CD48: variants seen among roughly 807,000 people sequenced by gnomAD.
CD48 encodes CD48 antigen.
A neutral mutation model predicts 22.0 loss-of-function variants in CD48; 20 were observed. The observed-to-expected ratio is 0.91, with a 90% CI of 0.64 to 1.32. CD48 has a LOEUF of 1.32. CD48 is among the 40% of genes most tolerant of loss of function. The probability of loss-of-function intolerance (pLI) is 0.00; values close to 1 mark genes in which losing one functional copy is unlikely to be tolerated. For missense variants in CD48, 307 were observed against 286.5 expected (o/e 1.07, Z -0.52); for synonymous variants, 110 against 110.1 (o/e 1.00, Z 0.01).
chr1:160,703,852 C>T (rs1662708840), intron 1 of CD48, among the ~76,000 whole-genome samples: 1 of 152,072 alleles, frequency 6.6e-6, no homozygotes, highest in Non-Finnish European at 1.5e-5. Context: ...GAGCAAAGGC[C>T]CTGGGGCAGG....
intron 1 of CD48, among the ~76,000 whole-genome samples, chr1:160,690,623 G>C (rs1215400092): frequency 6.6e-6 from 1 of 152,122 alleles, no homozygotes; most frequent in Non-Finnish European, 1.5e-5. Flanking sequence ...CTGGTAAAGT[G>C]GTATGAGACC....
intron 1 of CD48, among the ~76,000 whole-genome samples, chr1:160,711,398 C>G (rs1662941962): frequency 6.6e-6 from 1 of 152,144 alleles, no homozygotes; most frequent in South Asian, 2.1e-4. Flanking sequence ...CACTTTTCCA[C>G]AACTTCATGG....
intron 2 of CD48, among the ~76,000 whole-genome samples, chr1:160,681,748 C>T (rs995694937): frequency 1.3e-5 from 2 of 152,090 alleles, no homozygotes; most frequent in Non-Finnish European, 1.5e-5. Context: ...GGGTTATGAT[C>T]GTGTGTGAGC....
At chr1:160,702,284 C>T (rs2102433594) in intron 1 of CD48, among the ~76,000 whole-genome samples, 1 of 152,172 alleles carries the variant, frequency 6.6e-6, no homozygotes, top group South Asian at 2.1e-4. Flanking sequence ...GATCAACCAC[C>T]CCGCCTCCTA....
intron 1 of CD48, among the ~76,000 whole-genome samples, chr1:160,701,488 T>C (rs1362157245): frequency 6.6e-6 from 1 of 151,732 alleles, no homozygotes; most frequent in Non-Finnish European, 1.5e-5. Flanking sequence ...GATCAGGAGG[T>C]ATGGCAGTGG....
intron 1 of CD48, among the ~76,000 whole-genome samples, chr1:160,704,426 CTT>C (rs34741789): frequency 0.13 from 19,809 of 152,142 alleles, 1,425 homozygotes; most frequent in African/African-American, 0.18. Flanking sequence ...GTTGCAAACT[CTT>C]GTGTGTGAAG....
intron 2 of CD48, chr1:160,683,692 G>A (rs932252256): frequency 2.6e-5 from 4 of 152,066 alleles, no homozygotes; most frequent in African/African-American, 9.7e-5. Flanking sequence ...GGTGGAACTT[G>A]AATGTATACA....
intron 1 of CD48, among the ~76,000 whole-genome samples, chr1:160,689,662 T>C (rs1268694684): frequency 6.6e-6 from 1 of 152,204 alleles, no homozygotes; most frequent in Non-Finnish European, 1.5e-5. Context: ...TGATTTGGTG[T>C]GCCTGTTTCT....
In CD48 at chr1:160,678,766, A is replaced by G. The variant is rs1394599964; in HGVS notation, c.*286T>C. On this transcript the variant is annotated 3_prime_UTR_variant, in exon 4 of 4. Transcript: ENST00000368046. Reference sequence around the variant, plus strand: ...AGGAATTCAGTTAATTGACAATTATATCAAATGTTTATTTTAAAAAATAAT... The same window carrying G: ...AGGAATTCAGTTAATTGACAATTATGTCAAATGTTTATTTTAAAAAATAAT... 3.7e-6 allele frequency: 1 copy of G among 272,518 alleles called. No individual in the cohort carries two copies. Among genetic ancestry groups the G allele is most frequent in the East Asian group, 7.6e-5 (1 of 13,176 alleles). 16.9% of individuals were successfully genotyped at this position (272,518 alleles called of 1,614,324 possible).
Position 160,697,444 on chromosome 1 carries a change from G to A in CD48, c.83-12255C>T, listed in dbSNP as rs1485787324. Among the ~76,000 whole-genome samples the A allele has an allele frequency of 6.6e-5, 10 of 152,286 alleles. No homozygotes were observed. In the South Asian group the frequency reaches 2.1e-3, roughly 31 times the overall value. The stretch of plus-strand genomic sequence containing the variant: ...CTGCCAAACCTGAGGAAGAAGGGAT[G>A]ATGATAAATATTTCCATTGGGTATC... On this transcript the variant is annotated intron_variant, in intron 1 of 3. Transcript: ENST00000368046.
intron 1 of CD48, among the ~76,000 whole-genome samples, chr1:160,703,394 G>A (rs1348222975): frequency 2.6e-5 from 4 of 152,128 alleles, no homozygotes; most frequent in Admixed American, 6.5e-5. Flanking sequence ...AGCGCATATC[G>A]ATGCAGACCG....
chr1:160,702,749 T>C (rs952286693), intron 1 of CD48, among the ~76,000 whole-genome samples: 2 of 152,166 alleles, frequency 1.3e-5, no homozygotes, highest in Admixed American at 6.5e-5. Flanking sequence ...AGAATAGCTT[T>C]GTGGGTATCT....
At chr1:160,702,412 C>T (rs1186590025) in intron 1 of CD48, among the ~76,000 whole-genome samples, 2 of 152,062 alleles carry the variant, frequency 1.3e-5, no homozygotes, top group Non-Finnish European at 2.9e-5. Flanking sequence ...GAAGTGGAAA[C>T]GCAATGTTGG....
chr1:160,697,968 C>G (rs1027137962), intron 1 of CD48, among the ~76,000 whole-genome samples: 5 of 152,122 alleles, frequency 3.3e-5, no homozygotes, highest in African/African-American at 1.2e-4. Flanking sequence ...ACCCCAAGAC[C>G]AAAAATAATA....
rs1661919049 is a variant in CD48 at position 160,684,531 on chromosome 1, T to G, written c.385+356A>C. On this transcript the variant is annotated intron_variant, in intron 2 of 3. Transcript: ENST00000368046. The stretch of plus-strand genomic sequence containing the variant: ...TCTTTATATTAATACATTCTCTTTT[T>G]TCTTAAGTCCAATGAAGCCTAATTT... The G allele has an allele frequency of 2.2e-5, 12 of 555,254 alleles. No homozygotes were observed. The South Asian group carries it at 3.0e-4, about 14-fold the overall frequency. The allele number at this position is 555,254 out of a possible 1,614,324, so 34.4% of individuals were successfully genotyped here.
intron 1 of CD48, among the ~76,000 whole-genome samples, chr1:160,685,721 A>C (rs1661974369): frequency 6.6e-6 from 1 of 152,220 alleles, no homozygotes; most frequent in Non-Finnish European, 1.5e-5. Flanking sequence ...GTGGGGACCA[A>C]GGGAAAGCTT....
intron 1 of CD48, among the ~76,000 whole-genome samples, chr1:160,707,587 C>T (rs1662830602): frequency 6.6e-6 from 1 of 152,096 alleles, no homozygotes; most frequent in Non-Finnish European, 1.5e-5. Context: ...GAAGGGCTTC[C>T]TGCCTAATGG....
rs562750239 is a variant in CD48, at chr1:160,683,940, C to A, written c.385+947G>T. On this transcript the variant is annotated intron_variant, in intron 2 of 3. Coordinates refer to ENST00000368046, the MANE Select transcript of CD48 (RefSeq NM_001778.4). ...CATGTTTCTGCCCTATAATCTGATC[C>A]TTTCACCAAAAATGTTTAGATCAGG... 9 of 152,238 alleles carry A rather than the reference C, an allele frequency of 5.9e-5. No homozygotes were observed. The South Asian group carries it at 1.9e-3, about 32-fold the overall frequency. The allele number at this position is 152,238 out of a possible 1,614,324, so 9.4% of individuals were successfully genotyped here.
At chr1:160,685,324 T>C (rs1661961349) in intron 1 of CD48, 135 bp from the exon 2 acceptor site, 1 of 672,598 alleles carries the variant, frequency 1.5e-6, no homozygotes, top group Non-Finnish European at 2.5e-6. Context: ...TGGTTTTCAC[T>C]GGAGGTCCAG....
Sources: allele counts gnomAD v4.1 joint callset (sites outside exome capture counted in the v4.1 genomes callset), GRCh38; gene constraint gnomAD v4.1.1; transcripts MANE v1.5; gene names NCBI Gene and HGNC (gene_info 2026-07-23, HGNC 2026-07-21).